GRIN2B: variants seen among roughly 807,000 people sequenced by gnomAD.
GRIN2B encodes the protein glutamate ionotropic receptor NMDA type subunit 2B.
A neutral mutation model predicts 114.5 loss-of-function variants in GRIN2B; 5 were observed. The observed-to-expected ratio is 0.04, with a 90% CI of 0.02 to 0.09. The LOEUF (loss-of-function observed/expected upper bound fraction) is 0.09. Ranked by LOEUF, GRIN2B falls within the 10% of genes least tolerant of loss-of-function variation. The pLI, the probability that GRIN2B is intolerant of heterozygous loss-of-function variation, is 1.00. For missense variants in GRIN2B, 1,108 were observed against 1,943.5 expected (o/e 0.57, Z 8.08); for synonymous variants, 787 against 745.1 (o/e 1.06, Z -0.92).
chr12:13,662,692 G>A (rs534777664), intron 5 of GRIN2B, among the ~76,000 whole-genome samples: 2 of 152,192 alleles, frequency 1.3e-5, no homozygotes, highest in East Asian at 3.9e-4. Flanking sequence ...GAAAATATTC[G>A]CCAAATGCAT....
chr12:13,545,770 C>T lies in GRIN2B; in HGVS notation c.*17013G>A, dbSNP rs1328613421. 2.0e-5 allele frequency: 3 copies of T among 152,186 alleles called. No individual in the cohort carries two copies. Among genetic ancestry groups the T allele is most frequent in the African/African-American group, 7.2e-5 (3 of 41,440 alleles). 9.4% of individuals were successfully genotyped at this position (152,186 alleles called of 1,614,324 possible). On this transcript the variant is annotated 3_prime_UTR_variant, in exon 14 of 14. Coordinates refer to ENST00000609686, the MANE Select transcript of GRIN2B (RefSeq NM_000834.5). ...CCCCTGCGGCCTAACTCCCAAATCC[C>T]CTTCAGCTATAGTGAAATACACAGA...
chr12:13,627,496 G>T (rs768954562), intron 5 of GRIN2B, among the ~76,000 whole-genome samples: 53 of 152,240 alleles, frequency 3.5e-4, no homozygotes, highest in Non-Finnish European at 7.2e-4. Flanking sequence ...GACAGTGGTT[G>T]TGGTGGCAGT....
chr12:13,880,189 G>A (rs1866049514), intron 2 of GRIN2B, among the ~76,000 whole-genome samples: 1 of 152,222 alleles, frequency 6.6e-6, no homozygotes, highest in Non-Finnish European at 1.5e-5. Context: ...TTATTAGGAA[G>A]CAGCTTTTGA....
intron 10 of GRIN2B, among the ~76,000 whole-genome samples, chr12:13,574,328 C>G (rs532847630): frequency 6.6e-6 from 1 of 152,278 alleles, no homozygotes; most frequent in Non-Finnish European, 1.5e-5. Context: ...AAAGATATTC[C>G]TCAAATCAAA....
At chr12:13,723,383 TC>T (rs1862914702) in intron 4 of GRIN2B, among the ~76,000 whole-genome samples, 2 of 152,024 alleles carry the variant, frequency 1.3e-5, no homozygotes, top group Admixed American at 6.6e-5. Context: ...CCACTTGCTG[TC>T]AGCAATGCTC....
At chr12:13,949,682 T>G (rs1867442250) in intron 2 of GRIN2B, among the ~76,000 whole-genome samples, 1 of 152,192 alleles carries the variant, frequency 6.6e-6, no homozygotes, top group Non-Finnish European at 1.5e-5. Flanking sequence ...ACATACATGT[T>G]CTAGTATTAC....
intron 4 of GRIN2B, among the ~76,000 whole-genome samples, chr12:13,739,725 T>TTTTGGAACTGGGCTGAA (rs796919910): frequency 6.6e-6 from 1 of 152,142 alleles, no homozygotes; most frequent in Non-Finnish European, 1.5e-5. Flanking sequence ...AGGTGGTTAA[T>TTTTGGAACTGGGCTGAA]TTTGGAACTG....
In GRIN2B at chr12:13,790,618, G is replaced by A. The variant is rs536001468; in HGVS notation, c.412-36703C>T. Among the ~76,000 whole-genome samples the A allele has an allele frequency of 3.3e-5, 5 of 152,250 alleles. No individual in the cohort carries two copies. The East Asian group carries it at 9.7e-4, about 29-fold the overall frequency. ...TTTGGGGTAATTGCATTTTATAATA[G>A]TCATCTCCCATGAATCCTCTGTGGA... is the stretch of plus-strand genomic sequence containing the variant. On this transcript the variant is annotated intron_variant, in intron 3 of 13. Coordinates refer to ENST00000609686, the MANE Select transcript of GRIN2B (RefSeq NM_000834.5).
At chr12:13,786,111 G>A (rs1301803976) in intron 3 of GRIN2B, among the ~76,000 whole-genome samples, 5 of 152,158 alleles carry the variant, frequency 3.3e-5, no homozygotes, top group Admixed American at 3.3e-4. Context: ...CTCCAGTAAA[G>A]CTTGAGAGTT....
chr12:13,795,833 C>A (rs922730429), intron 3 of GRIN2B, among the ~76,000 whole-genome samples: 6 of 151,996 alleles, frequency 3.9e-5, no homozygotes, highest in African/African-American at 1.5e-4. Flanking sequence ...ATCACAAGGA[C>A]AGAAAACCAA....
Position 13,542,497 on chromosome 12 carries a change from C to G in GRIN2B, c.*20286G>C, listed in dbSNP as rs986950948. 8.5e-5 allele frequency: 13 copies of G among 152,256 alleles called. No individual in the cohort carries two copies. The highest frequency in any genetic ancestry group is 6.8e-3 in the Middle Eastern group (2 of 294). 9.4% of individuals were successfully genotyped at this position (152,256 alleles called of 1,614,324 possible). A position where few individuals can be genotyped will look rare whatever the true frequency, so the allele number is the denominator to read the frequency against. On this transcript the variant is annotated 3_prime_UTR_variant, in exon 14 of 14. Transcript: ENST00000609686. ...TAGTAGAAGTTAAAAAAGCAAATAT[C>G]AGGACTGAGGAAGAGGTACCAGAGT...
intron 9 of GRIN2B, among the ~76,000 whole-genome samples, chr12:13,610,533 C>A (rs983796415): frequency 6.6e-6 from 1 of 152,142 alleles, no homozygotes; most frequent in Admixed American, 6.5e-5. Context: ...AGGTGGAAGG[C>A]CCCTGATTGT....
intron 3 of GRIN2B, among the ~76,000 whole-genome samples, chr12:13,807,578 A>C (rs1433097855): frequency 6.6e-6 from 1 of 152,060 alleles, no homozygotes; most frequent in African/African-American, 2.4e-5. Flanking sequence ...GAGAGGGAAA[A>C]ACTGTCCAAA....
chr12:13,812,617 A>T (rs1264506214), intron 3 of GRIN2B, among the ~76,000 whole-genome samples: 1 of 152,222 alleles, frequency 6.6e-6, no homozygotes, highest in African/African-American at 2.4e-5. Context: ...GATATAAATT[A>T]AGAATTCTGT....
At chr12:13,638,173 G>T (rs1241746205) in intron 5 of GRIN2B, among the ~76,000 whole-genome samples, 4 of 152,084 alleles carry the variant, frequency 2.6e-5, no homozygotes, top group Admixed American at 2.6e-4. Context: ...CTGGGCAAAA[G>T]CTCATTTCCA....
chr12:13,940,359 T>C (rs768349606), intron 2 of GRIN2B, among the ~76,000 whole-genome samples: 2 of 152,122 alleles, frequency 1.3e-5, no homozygotes, highest in Admixed American at 1.3e-4. Flanking sequence ...GAATTCCACA[T>C]AGCTCAGCCT....
At chr12:13,958,630 C>A (rs1349015009) in intron 2 of GRIN2B, among the ~76,000 whole-genome samples, 2 of 152,146 alleles carry the variant, frequency 1.3e-5, no homozygotes, top group African/African-American at 4.8e-5. Context: ...CATGTCTCAT[C>A]CCGTGGGCAA....
intron 2 of GRIN2B, among the ~76,000 whole-genome samples, chr12:13,929,064 C>T (rs986334582): frequency 6.6e-6 from 1 of 152,180 alleles, no homozygotes; most frequent in African/African-American, 2.4e-5. Context: ...TGTTCAAATT[C>T]CCAGTTAGTA....
In GRIN2B at chr12:13,733,640, C is replaced by T. The variant is rs538005468; in HGVS notation, c.1010+19677G>A. ...CAAGAGGTAGGCTTGCGTAGAGGCT[C>T]TTAATCTTCACTCCCCCTCTGAGAC... is the stretch of plus-strand genomic sequence containing the variant. On this transcript the variant is annotated intron_variant, in intron 4 of 13. Coordinates refer to ENST00000609686, the MANE Select transcript of GRIN2B (RefSeq NM_000834.5). 1.7e-4 allele frequency among the ~76,000 whole-genome samples: 26 copies of T among 152,250 alleles called. No individual in the cohort carries two copies. In the South Asian group the frequency reaches 4.8e-3, roughly 28 times the overall value.
Sources: gnomAD v4.1 joint callset for allele counts (sites outside exome capture counted in the v4.1 genomes callset) on GRCh38, gnomAD v4.1.1 for gene constraint, MANE v1.5 for transcripts, NCBI Gene and HGNC (gene_info 2026-07-23, HGNC 2026-07-21) for gene names.